Variants in C1orf198 observed in about 807,000 individuals in gnomAD.
C1orf198 encodes chromosome 1 open reading frame 198.
A neutral mutation model predicts 31.4 loss-of-function variants in C1orf198; 17 were observed. That is an observed-to-expected ratio of 0.54 (90% CI 0.37 to 0.81). The LOEUF (loss-of-function observed/expected upper bound fraction) is 0.81, where lower values mean the gene tolerates loss of function less well. Among genes scored for constraint, C1orf198 ranks in the 40% least tolerant of loss-of-function variants. C1orf198 has a pLI of 0.00. For missense variants in C1orf198, 401 were observed against 450.3 expected (o/e 0.89, Z 0.99); for synonymous variants, 175 against 193.8 (o/e 0.90, Z 0.81).
rs75736776 is a variant in C1orf198, at chr1:230,843,977, C to T, written c.385-81G>A. On this transcript the variant is annotated intron_variant, in intron 2 of 3. Transcript: ENST00000366663. This position sits in a 1 kb window ranked among gnomAD's most constrained non-coding sequence, Gnocchi z 4.9. ...GTCACAAGTGTGCCAGCTCACGCACCCCTCCTCAGCATAAGGACGCACACC... is the reference window on the plus strand; with the variant it reads ...GTCACAAGTGTGCCAGCTCACGCACTCCTCCTCAGCATAAGGACGCACACC... 2.8e-3 allele frequency: 3,836 copies of T among 1,391,538 alleles called. 90 individuals are homozygous for T. In the African/African-American group the frequency reaches 0.049, roughly 18 times the overall value. The allele number at this position is 1,391,538 out of a possible 1,614,324, so 86.2% of individuals were successfully genotyped here. A position where few individuals can be genotyped will look rare whatever the true frequency, so the allele number is the denominator to read the frequency against.
chr1:230,868,215 G>A lies in C1orf198; in HGVS notation c.298C>T (p.Pro100Ser). The part of the protein sequence containing the change: ...ELTRFPGLRG[P>S]TGQKVVRFGD... Reference sequence around the variant, plus strand: ...AAGCGCACCACCTTCTGGCCCGTGGGCCCGCGCAAGCCGGGGAAGCGCGTG... The same window carrying A: ...AAGCGCACCACCTTCTGGCCCGTGGACCCGCGCAAGCCGGGGAAGCGCGTG... Residue 100 changes from proline (P) to serine (S), a missense_variant, in exon 1 of 4, where the codon CCC (proline) becomes TCC (serine). By Grantham distance (74) the Pro-to-Ser change is moderately conservative. Coordinates refer to ENST00000366663, the MANE Select transcript of C1orf198 (RefSeq NM_032800.3). 1.3e-6 allele frequency: 2 copies of A among 1,535,348 alleles called. No individual in the cohort carries two copies. Among genetic ancestry groups the A allele is most frequent in the Non-Finnish European group, 1.7e-6 (2 of 1,143,636 alleles).
Position 230,848,556 on chromosome 1 carries a change from CCAA to C in C1orf198, c.385-4663_385-4661del, listed in dbSNP as rs575991746. Among the ~76,000 whole-genome samples, 4 of 152,166 alleles carry C rather than the reference CCAA, an allele frequency of 2.6e-5. No homozygotes were observed. The South Asian group carries it at 8.3e-4, about 32-fold the overall frequency. ...CTATAAGAGAGGATGTAAAATGTTC[CCAA>C]CACATAGAAATTAAAAATACTCGAA... On this transcript the variant is annotated intron_variant, in intron 2 of 3. Transcript: ENST00000366663.
intron 1 of C1orf198, among the ~76,000 whole-genome samples, chr1:230,861,775 C>G (rs974134362): frequency 6.6e-6 from 1 of 152,188 alleles, no homozygotes; most frequent in African/African-American, 2.4e-5. Context: ...AGGGCCTCCA[C>G]AAGCTGTTCC....
upstream of C1orf198, chr1:230,868,536 G>GCCCGCGC: frequency 7.9e-7 from 1 of 1,266,352 alleles, no homozygotes; most frequent in South Asian, 2.9e-5. Context: ...GCCGCTCCCG[G>GCCCGCGC]CCCGCGCCCC....
Position 230,843,737 on chromosome 1 carries a change from T to TGGGGCCC in C1orf198, c.537_543dup (p.Thr182GlyfsTer17). ...AATGACGCTTCCTCCTCCTTCCTGGTGGGGCCCAGGGCGTCCAGGCTGGAG... is the reference window on the plus strand; with the variant it reads ...AATGACGCTTCCTCCTCCTTCCTGGTGGGGCCCGGGGCCCAGGGCGTCCAGGCTGGAG... On this transcript the variant is annotated frameshift_variant, in exon 3 of 4. Transcript: ENST00000366663. LOFTEE classifies it high-confidence loss of function. This position sits in a 1 kb window ranked among gnomAD's most constrained non-coding sequence, Gnocchi z 4.9. 1 of 1,614,074 alleles carries TGGGGCCC rather than the reference T, an allele frequency of 6.2e-7. No individual in the cohort carries two copies. The highest frequency in any genetic ancestry group is 1.1e-5 in the South Asian group (1 of 91,080).
Position 230,837,950 on chromosome 1 carries a change from G to C in C1orf198, c.*1902C>G, listed in dbSNP as rs1410737508. The C allele has an allele frequency of 6.6e-6, 1 of 152,212 alleles. No individual in the cohort carries two copies. Among genetic ancestry groups the C allele is most frequent in the African/African-American group, 2.4e-5 (1 of 41,448 alleles). 9.4% of individuals were successfully genotyped at this position (152,212 alleles called of 1,614,324 possible). A position where few individuals can be genotyped will look rare whatever the true frequency, so the allele number is the denominator to read the frequency against. On this transcript the variant is annotated 3_prime_UTR_variant, in exon 4 of 4. Transcript: ENST00000366663. ...AATTAGAATTTCTCCCAATAGAAGA[G>C]GCAGATCACCTTGGCCTACTCTCTA...
chr1:230,846,964 G>A (rs1324539369), intron 2 of C1orf198, among the ~76,000 whole-genome samples: 8 of 152,166 alleles, frequency 5.3e-5, no homozygotes, highest in Admixed American at 1.3e-4. Flanking sequence ...TTAGCCGGGC[G>A]CGGTGGCGGG....
chr1:230,867,581 C>T (rs1486904454), intron 1 of C1orf198, among the ~76,000 whole-genome samples: 1 of 152,182 alleles, frequency 6.6e-6, no homozygotes. Context: ...TGGAAAACAT[C>T]TTAGGGTGAT....
In C1orf198 at chr1:230,857,624, G is replaced by A. The variant is rs1439257920; in HGVS notation, c.334-1906C>T. ...GCACAAATACTTCACATATGCTGGGGATAAAGAGCAAGGAAAACCCAGAGA... is the reference window on the plus strand; with the variant it reads ...GCACAAATACTTCACATATGCTGGGAATAAAGAGCAAGGAAAACCCAGAGA... On this transcript the variant is annotated intron_variant, in intron 1 of 3. Transcript: ENST00000366663. This position sits in a 1 kb window ranked among gnomAD's most constrained non-coding sequence, Gnocchi z 4.2. Among the ~76,000 whole-genome samples, 1 of 152,114 alleles carries A rather than the reference G, an allele frequency of 6.6e-6. No individual in the cohort carries two copies. Among genetic ancestry groups the A allele is most frequent in the African/African-American group, 2.4e-5 (1 of 41,400 alleles).
At chr1:230,847,727 G>A (rs1205503503) in intron 2 of C1orf198, among the ~76,000 whole-genome samples, 4 of 152,222 alleles carry the variant, frequency 2.6e-5, no homozygotes, top group Admixed American at 2.6e-4. Context: ...GAAAGACTGT[G>A]GGATAGAGAT....
intron 1 of C1orf198, among the ~76,000 whole-genome samples, chr1:230,864,619 G>A (rs1242393661): frequency 1.3e-5 from 2 of 152,168 alleles, no homozygotes; most frequent in Non-Finnish European, 2.9e-5. Flanking sequence ...CCCGATTAGG[G>A]ATATTGAAAC....
At chr1:230,863,296 T>C (rs1231643617) in intron 1 of C1orf198, among the ~76,000 whole-genome samples, 1 of 152,060 alleles carries the variant, frequency 6.6e-6, no homozygotes, top group Non-Finnish European at 1.5e-5. Flanking sequence ...AGCATGAGCA[T>C]GGTAATGGAA....
intron 1 of C1orf198, among the ~76,000 whole-genome samples, chr1:230,863,940 T>C (rs1670054213): frequency 6.6e-6 from 1 of 152,230 alleles, no homozygotes; most frequent in Non-Finnish European, 1.5e-5. Flanking sequence ...AGCAACTCCC[T>C]AATTTTCTTT....
chr1:230,846,997 G>A (rs978834070), intron 2 of C1orf198, among the ~76,000 whole-genome samples: 3 of 151,714 alleles, frequency 2.0e-5, no homozygotes, highest in African/African-American at 7.3e-5. Flanking sequence ...CAGCTACTTG[G>A]GAGGCTGAGG....
rs1315687923 is a variant in C1orf198 at position 230,843,357 on chromosome 1, T to G, written c.924A>C (p.Ala308=). 2 of 1,553,492 alleles carry G rather than the reference T, an allele frequency of 1.3e-6. No individual in the cohort carries two copies. The highest frequency in any genetic ancestry group is 1.7e-6 in the Non-Finnish European group (2 of 1,148,000). The change falls in exon 3 of 4, where the codon GCA becomes GCC. Residue 308 remains alanine (A), a synonymous_variant. Coordinates refer to ENST00000366663, the MANE Select transcript of C1orf198 (RefSeq NM_032800.3). This position sits in a 1 kb window ranked among gnomAD's most constrained non-coding sequence, Gnocchi z 4.9. ...CGCGCTGGTAAAGGCCACTCACCTG[T>G]GCAAACTTGGGTTCCGAGAACAGGG... The part of the protein sequence containing the change: ...EDTLFSEPKF[A]QVSSSNVVLK...
chr1:230,851,454 C>G (rs766903956), intron 2 of C1orf198, among the ~76,000 whole-genome samples: 1 of 152,184 alleles, frequency 6.6e-6, no homozygotes, highest in African/African-American at 2.4e-5. Flanking sequence ...CAGCCCAGAC[C>G]GCCTGGGGAA....
chr1:230,867,750 C>G (rs1670154249), intron 1 of C1orf198, among the ~76,000 whole-genome samples: 3 of 152,198 alleles, frequency 2.0e-5, no homozygotes, highest in Admixed American at 2.0e-4. Context: ...GTTATTACCC[C>G]CGTTTTACAC....
rs926558454 is a variant in C1orf198 at position 230,857,800 on chromosome 1, C to A, written c.334-2082G>T. Among the ~76,000 whole-genome samples, 1 of 152,174 alleles carries A rather than the reference C, an allele frequency of 6.6e-6. No individual in the cohort carries two copies. Among genetic ancestry groups the A allele is most frequent in the African/African-American group, 2.4e-5 (1 of 41,444 alleles). ...TTACAAAAGTGAGGGAAAAGCCCTA[C>A]AAACTGGGTTAAGCTGCATTAAAGT... On this transcript the variant is annotated intron_variant, in intron 1 of 3. Transcript: ENST00000366663. The surrounding 1 kb of genome is among the most constrained non-coding windows in gnomAD (Gnocchi z 4.2).
At chr1:230,856,896 C>T (rs1669887349) in intron 1 of C1orf198, among the ~76,000 whole-genome samples, 1 of 152,236 alleles carries the variant, frequency 6.6e-6, no homozygotes, top group Non-Finnish European at 1.5e-5. Context: ...AGTCAAGGGT[C>T]TGGCTTCCCT....
Sources: allele counts gnomAD v4.1 joint callset (sites outside exome capture counted in the v4.1 genomes callset), GRCh38; gene constraint gnomAD v4.1.1; non-coding constraint Gnocchi (gnomAD v3.1); transcripts MANE v1.5; gene names NCBI Gene and HGNC (gene_info 2026-07-23, HGNC 2026-07-21).